Variants in FLRT2 observed in about 807,000 individuals in gnomAD.
The protein encoded by FLRT2 is leucine-rich repeat transmembrane protein FLRT2.
Under a neutral mutation model 40.0 loss-of-function variants are expected in FLRT2, and 15 were observed. The ratio of observed to expected loss-of-function variants is 0.38; its 90% CI spans 0.25 to 0.58. The LOEUF (loss-of-function observed/expected upper bound fraction) is 0.58, where lower values mean the gene tolerates loss of function less well. Ranked by LOEUF, FLRT2 falls within the 20% of genes least tolerant of loss-of-function variation. The pLI is 0.71. For synonymous variants in FLRT2, 380 were observed against 336.8 expected (o/e 1.13, Z -1.41); for missense variants, 726 against 840.0 (o/e 0.86, Z 1.68).
intron 1 of FLRT2, among the ~76,000 whole-genome samples, chr14:85,533,269 T>G (rs1336506317): frequency 7.1e-6 from 1 of 141,158 alleles, no homozygotes; most frequent in Non-Finnish European, 1.6e-5. Context: ...TTCATTACTG[T>G]AAACATATCC....
Position 85,647,994 on chromosome 14 carries a change from T to C in FLRT2, c.*24497T>C, listed in dbSNP as rs1203247518. On this transcript the variant is annotated 3_prime_UTR_variant, in exon 2 of 2. Coordinates refer to ENST00000330753, the MANE Select transcript of FLRT2 (RefSeq NM_013231.6). ...TTGCCTTGTTATGCATGTACTGACT[T>C]TTTACCTCTTTCTTTTTCCCTACAA... 4 of 152,132 alleles carry C rather than the reference T, an allele frequency of 2.6e-5. No individual in the cohort carries two copies. The highest frequency in any genetic ancestry group is 9.7e-5 in the African/African-American group (4 of 41,408). The allele number at this position is 152,132 out of a possible 1,614,324, so 9.4% of individuals were successfully genotyped here. A position where few individuals can be genotyped will look rare whatever the true frequency, so the allele number is the denominator to read the frequency against.
rs921432115 is a variant in FLRT2, at chr14:85,650,195, A to C, written c.*26698A>C. On this transcript the variant is annotated 3_prime_UTR_variant, in exon 2 of 2. Coordinates refer to ENST00000330753, the MANE Select transcript of FLRT2 (RefSeq NM_013231.6). ...TTTACGTGTTTTAAATTTATACATAAACAATTTCAAACTCTATGAATCATT... is the reference window on the plus strand; with the variant it reads ...TTTACGTGTTTTAAATTTATACATACACAATTTCAAACTCTATGAATCATT... 11 of 152,172 alleles carry C rather than the reference A, an allele frequency of 7.2e-5. No individual in the cohort carries two copies. The highest frequency in any genetic ancestry group is 3.3e-4 in the Admixed American group (5 of 15,256). 9.4% of individuals were successfully genotyped at this position (152,172 alleles called of 1,614,324 possible).
At chr14:85,562,077 G>T (rs1489217433) in intron 1 of FLRT2, among the ~76,000 whole-genome samples, 1 of 152,176 alleles carries the variant, frequency 6.6e-6, no homozygotes, top group Non-Finnish European at 1.5e-5. Flanking sequence ...CAGGGAATAT[G>T]ACTAATACCA....
intron 1 of FLRT2, among the ~76,000 whole-genome samples, chr14:85,600,849 C>G (rs1656018989): frequency 6.6e-6 from 1 of 152,018 alleles, no homozygotes; most frequent in African/African-American, 2.4e-5. Context: ...CAGAGAAGAC[C>G]TGGTTGGGGG....
intron 1 of FLRT2, among the ~76,000 whole-genome samples, chr14:85,535,892 G>GTTTT (rs71454768): frequency 4.0e-4 from 23 of 57,806 alleles, no homozygotes; most frequent in East Asian, 2.0e-3. Context: ...AAGGAATGCT[G>GTTTT]TTTTTTTTTT....
intron 1 of FLRT2, among the ~76,000 whole-genome samples, chr14:85,558,930 T>C (rs1168123201): frequency 1.3e-5 from 2 of 152,216 alleles, no homozygotes; most frequent in African/African-American, 4.8e-5. Context: ...TTTCTCTGGA[T>C]TGGATAATGT....
At chr14:85,602,791 C>G (rs1012234499) in intron 1 of FLRT2, among the ~76,000 whole-genome samples, 1 of 151,962 alleles carries the variant, frequency 6.6e-6, no homozygotes, top group Non-Finnish European at 1.5e-5. Context: ...TGTAGGGGAC[C>G]CTTCATTTCT....
chr14:85,585,313 A>T (rs1891568059), intron 1 of FLRT2, among the ~76,000 whole-genome samples: 1 of 152,096 alleles, frequency 6.6e-6, no homozygotes, highest in African/African-American at 2.4e-5. Flanking sequence ...TTCTCTCATA[A>T]ATCTCTTGCA....
rs369424459 is a variant in FLRT2 at position 85,552,237 on chromosome 14, T to C, written c.-377+21703T>C. On this transcript the variant is annotated intron_variant, in intron 1 of 1. Coordinates refer to ENST00000330753, the MANE Select transcript of FLRT2 (RefSeq NM_013231.6). ...CTTGTCTTAGTGGTTAGAATTTGGCTCTGGGTTTAGTCTACTTGGGTTTGT... is the reference window on the plus strand; with the variant it reads ...CTTGTCTTAGTGGTTAGAATTTGGCCCTGGGTTTAGTCTACTTGGGTTTGT... Among the ~76,000 whole-genome samples, 117 of 152,326 alleles carry C rather than the reference T, an allele frequency of 7.7e-4. 3 individuals carry two copies. In the South Asian group the frequency reaches 0.017, roughly 22 times the overall value.
chr14:85,650,909 C>G lies in FLRT2; in HGVS notation c.*27412C>G, dbSNP rs1594982261. Reference sequence around the variant, plus strand: ...TCATCCAGGCTAGGATGCAGTAGCACGATCTTAGCTTACTGTAGACTCCAA... The same window carrying G: ...TCATCCAGGCTAGGATGCAGTAGCAGGATCTTAGCTTACTGTAGACTCCAA... On this transcript the variant is annotated 3_prime_UTR_variant, in exon 2 of 2. Coordinates refer to ENST00000330753, the MANE Select transcript of FLRT2 (RefSeq NM_013231.6). 1 of 151,864 alleles carries G rather than the reference C, an allele frequency of 6.6e-6. No individual in the cohort carries two copies. The highest frequency in any genetic ancestry group is 1.9e-4 in the East Asian group (1 of 5,186). The allele number at this position is 151,864 out of a possible 1,614,324, so 9.4% of individuals were successfully genotyped here.
chr14:85,558,033 G>A (rs1229989542), intron 1 of FLRT2, among the ~76,000 whole-genome samples: 1 of 152,082 alleles, frequency 6.6e-6, no homozygotes, highest in East Asian at 1.9e-4. Flanking sequence ...ATAGACTTCC[G>A]TAGAAAGCAT....
At chr14:85,567,287 G>GAAGCTCCA (rs953688964) in intron 1 of FLRT2, among the ~76,000 whole-genome samples, 1 of 152,156 alleles carries the variant, frequency 6.6e-6, no homozygotes, top group African/African-American at 2.4e-5. Context: ...GCTTGTAATA[G>GAAGCTCCA]AAGCTCCAAA....
chr14:85,565,952 A>G (rs1182193265), intron 1 of FLRT2, among the ~76,000 whole-genome samples: 1 of 152,142 alleles, frequency 6.6e-6, no homozygotes, highest in Non-Finnish European at 1.5e-5. Context: ...TAGAGGATGA[A>G]AGGATGAATA....
At position 85,621,931 on chromosome 14, in the gene FLRT2, C is replaced by A; in HGVS notation, c.417C>A (p.His139Gln). The A allele has an allele frequency of 6.2e-7, 1 of 1,600,968 alleles. No individual in the cohort carries two copies. Among genetic ancestry groups the A allele is most frequent in the Non-Finnish European group, 8.5e-7 (1 of 1,172,988 alleles). Residue 139 changes from histidine to glutamine, a missense_variant, in exon 2 of 2, where the codon CAC becomes CAA. His to Gln is a conservative substitution (Grantham distance 24). Around this residue, in one of 3 missense-constraint regions of FLRT2, gnomAD observed 611 missense variants for 690.0 expected, o/e 0.89. Coordinates refer to ENST00000330753, the MANE Select transcript of FLRT2 (RefSeq NM_013231.6). ...LAQLLKLEELHLDDNSISTVG... is the reference protein window; with the variant it reads ...LAQLLKLEELQLDDNSISTVG... ...AGCTCTTGAAGCTTGAAGAGCTGCA[C>A]CTGGATGACAACTCCATATCCACAG...
intron 1 of FLRT2, among the ~76,000 whole-genome samples, chr14:85,559,820 A>G (rs970071198): frequency 3.3e-5 from 5 of 152,148 alleles, no homozygotes; most frequent in Non-Finnish European, 7.3e-5. Context: ...ATCACAGGTT[A>G]CAAGTTAGAT....
At chr14:85,533,495 C>T (rs1181482736) in intron 1 of FLRT2, among the ~76,000 whole-genome samples, 1 of 152,026 alleles carries the variant, frequency 6.6e-6, no homozygotes, top group East Asian at 2.0e-4. Context: ...CTAGCTCTCC[C>T]GCCGAGTCCC....
At chr14:85,612,102 C>A (rs1892912231) in intron 1 of FLRT2, among the ~76,000 whole-genome samples, 3 of 140,962 alleles carry the variant, frequency 2.1e-5, no homozygotes, top group Admixed American at 7.2e-5. Flanking sequence ...TCATTGTGTG[C>A]ACCTGAGTTT....
At chr14:85,532,376 G>A (rs1173297389) in intron 1 of FLRT2, among the ~76,000 whole-genome samples, 1 of 152,238 alleles carries the variant, frequency 6.6e-6, no homozygotes, top group Non-Finnish European at 1.5e-5. Flanking sequence ...AGAGCAGCAC[G>A]AAATAAGATG....
intron 1 of FLRT2, among the ~76,000 whole-genome samples, chr14:85,555,123 C>A (rs1889872028): frequency 6.6e-6 from 1 of 152,162 alleles, no homozygotes; most frequent in South Asian, 2.1e-4. Flanking sequence ...TGGTAGCATA[C>A]TAAAGCTTAG....
Sources: allele counts gnomAD v4.1 joint callset (sites outside exome capture counted in the v4.1 genomes callset), GRCh38; gene constraint gnomAD v4.1.1; regional missense constraint gnomAD v4.1.1; transcripts MANE v1.5; gene names NCBI Gene and HGNC (gene_info 2026-07-23, HGNC 2026-07-21).